The following PAPPA2 variants were observed in gnomAD, a reference collection of about 807,000 sequenced individuals.
The protein encoded by PAPPA2 is pappalysin 2.
PAPPA2 carries 86 observed loss-of-function variants against 176.4 expected under a neutral mutation model. The ratio of observed to expected loss-of-function variants is 0.49; its 90% CI spans 0.41 to 0.58. The LOEUF (loss-of-function observed/expected upper bound fraction) is 0.58, where lower values mean the gene tolerates loss of function less well. PAPPA2 is among the 20% of genes least tolerant of loss of function. The pLI, the probability that PAPPA2 is intolerant of heterozygous loss-of-function variation, is 0.00. For synonymous variants in PAPPA2, 809 were observed against 852.2 expected (o/e 0.95, Z 0.88); for missense variants, 2,073 against 2,256.9 (o/e 0.92, Z 1.65).
intron 3 of PAPPA2, among the ~76,000 whole-genome samples, chr1:176,638,463 T>C (rs552556558): frequency 6.6e-6 from 1 of 152,224 alleles, no homozygotes; most frequent in African/African-American, 2.4e-5. Flanking sequence ...GCCAGCGTTT[T>C]CATTGGCAGC....
chr1:176,467,776 G>A (rs373871436), intron 1 of PAPPA2, among the ~76,000 whole-genome samples: 1 of 152,224 alleles, frequency 6.6e-6, no homozygotes, highest in South Asian at 2.1e-4. Flanking sequence ...TTCTCAATTG[G>A]GTCTCATAAC....
chr1:176,776,950 C>T (rs926677210), intron 17 of PAPPA2, among the ~76,000 whole-genome samples: 2 of 151,666 alleles, frequency 1.3e-5, no homozygotes, highest in African/African-American at 4.8e-5. Context: ...TTTAAGTAGC[C>T]TGCCCATGAT....
chr1:176,512,739 G>A (rs1028177500), intron 1 of PAPPA2, among the ~76,000 whole-genome samples: 14 of 151,804 alleles, frequency 9.2e-5, no homozygotes, highest in Admixed American at 6.6e-4. Flanking sequence ...ACTTCAAATG[G>A]GCATTTTAGT....
chr1:176,800,278 A>G (rs1198140122), intron 21 of PAPPA2, 146 bp downstream of exon 21: 3 of 755,060 alleles, frequency 4.0e-6, no homozygotes, highest in African/African-American at 1.8e-5. Flanking sequence ...TGGTTCCACG[A>G]TCTTAAATTT....
intron 2 of PAPPA2, among the ~76,000 whole-genome samples, chr1:176,573,032 GC>G (rs1652444149): frequency 6.6e-6 from 1 of 152,164 alleles, no homozygotes. Flanking sequence ...GTGTGGTGCT[GC>G]CAAAGAACCT....
At chr1:176,635,424 A>G (rs1217566312) in intron 3 of PAPPA2, among the ~76,000 whole-genome samples, 2 of 152,172 alleles carry the variant, frequency 1.3e-5, no homozygotes, top group African/African-American at 2.4e-5. Context: ...CTACCCTCAA[A>G]CATTCAGGGT....
At chr1:176,833,742 AT>A (rs1667164629) in intron 21 of PAPPA2, among the ~76,000 whole-genome samples, 1 of 152,146 alleles carries the variant, frequency 6.6e-6, no homozygotes. Context: ...CTCCAAATGT[AT>A]GGATGTGTAC....
At chr1:176,820,553 G>T (rs1479639754) in intron 21 of PAPPA2, among the ~76,000 whole-genome samples, 1 of 152,144 alleles carries the variant, frequency 6.6e-6, no homozygotes, top group Non-Finnish European at 1.5e-5. Context: ...GTACACTGGG[G>T]ATCCTCATCG....
chr1:176,477,839 C>G (rs1652211107), intron 1 of PAPPA2, among the ~76,000 whole-genome samples: 1 of 152,088 alleles, frequency 6.6e-6, no homozygotes, highest in Non-Finnish European at 1.5e-5. Context: ...TTATGACCCA[C>G]TAAAGGGGCT....
intron 20 of PAPPA2, among the ~76,000 whole-genome samples, chr1:176,795,403 T>C (rs1338321980): frequency 1.3e-5 from 2 of 152,154 alleles, no homozygotes; most frequent in Non-Finnish European, 2.9e-5. Flanking sequence ...GAGCCATTTC[T>C]CAAAGAAAGC....
intron 2 of PAPPA2, among the ~76,000 whole-genome samples, chr1:176,579,281 AG>A (rs1652826531): frequency 6.6e-6 from 1 of 152,180 alleles, no homozygotes; most frequent in African/African-American, 2.4e-5. Context: ...AACAGGAAAA[AG>A]GAGGAAGTGG....
intron 21 of PAPPA2, among the ~76,000 whole-genome samples, chr1:176,822,110 C>A (rs1420869944): frequency 2.0e-5 from 3 of 152,200 alleles, no homozygotes; most frequent in Admixed American, 6.5e-5. Context: ...CATTCCCTTT[C>A]AAGGAGAAAG....
intron 3 of PAPPA2, among the ~76,000 whole-genome samples, chr1:176,601,907 C>T (rs1159028684): frequency 6.6e-6 from 1 of 152,220 alleles, no homozygotes; most frequent in African/African-American, 2.4e-5. Flanking sequence ...CTTTCCATCC[C>T]ATGCTTTCTC....
chr1:176,706,757 T>C (rs1399336110), intron 10 of PAPPA2, among the ~76,000 whole-genome samples: 1 of 152,210 alleles, frequency 6.6e-6, no homozygotes, highest in Admixed American at 6.5e-5. Context: ...CATTAGGTTA[T>C]ACTGCTTCCT....
At chr1:176,479,444 C>G (rs568374106) in intron 1 of PAPPA2, among the ~76,000 whole-genome samples, 1 of 152,254 alleles carries the variant, frequency 6.6e-6, no homozygotes, top group Non-Finnish European at 1.5e-5. Context: ...GTATAGCAGA[C>G]TCTCTGCTCA....
chr1:176,680,242 T>C (rs2102789001), intron 4 of PAPPA2, among the ~76,000 whole-genome samples: 1 of 152,278 alleles, frequency 6.6e-6, no homozygotes, highest in Non-Finnish European at 1.5e-5. Flanking sequence ...TTCAGTAACA[T>C]TATGGAAGTT....
chr1:176,650,314 T>C (rs1657645637), intron 3 of PAPPA2, among the ~76,000 whole-genome samples: 2 of 151,444 alleles, frequency 1.3e-5, no homozygotes, highest in Non-Finnish European at 3.0e-5. Flanking sequence ...GGGCAGCATG[T>C]AATTGGGTCT....
intron 3 of PAPPA2, among the ~76,000 whole-genome samples, chr1:176,626,168 T>G (rs1006627449): frequency 6.6e-6 from 1 of 152,226 alleles, no homozygotes; most frequent in Admixed American, 6.5e-5. Context: ...CAGAAAGGCC[T>G]GTGTATACAT....
intron 1 of PAPPA2, among the ~76,000 whole-genome samples, chr1:176,476,513 AGT>A (rs929981148): frequency 5.9e-5 from 9 of 152,182 alleles, no homozygotes. Flanking sequence ...TCAGGGATGG[AGT>A]CTGAGTGGGC....
Sources: gnomAD v4.1 joint callset for allele counts (sites outside exome capture counted in the v4.1 genomes callset) on GRCh38, gnomAD v4.1.1 for gene constraint, MANE v1.5 for transcripts, NCBI Gene and HGNC (gene_info 2026-07-23, HGNC 2026-07-21) for gene names.